The following NLGN4Y variants were observed in gnomAD, a reference collection of about 807,000 sequenced individuals.
NLGN4Y encodes neuroligin-4, Y-linked.
In NLGN4Y, 4 loss-of-function variants were observed where a neutral mutation model predicts 8.4. The observed-to-expected ratio is 0.48, with a 90% CI of 0.23 to 1.09. The LOEUF is 1.09. NLGN4Y is among the 50% of genes least tolerant of loss of function. The pLI, the probability that NLGN4Y is intolerant of heterozygous loss-of-function variation, is 0.19. For missense variants in NLGN4Y, 90 were observed against 192.3 expected, an observed-to-expected ratio of 0.47 and a Z score of 3.15; for synonymous variants, 35 against 75.6, an observed-to-expected ratio of 0.46 and a Z score of 2.78.
At chrY:14,809,607 A>G in intron 4 of NLGN4Y, among the ~76,000 whole-genome samples, 1 of 30,734 alleles carries the variant, frequency 3.3e-5, no homozygotes, top group Non-Finnish European at 7.9e-5. Flanking sequence ...GAGTGCAGTC[A>G]CATGATCTTT....
At chrY:14,584,152 T>C in intron 1 of NLGN4Y, among the ~76,000 whole-genome samples, 1 of 33,093 alleles carries the variant, frequency 3.0e-5, no homozygotes, top group Admixed American at 2.8e-4. Flanking sequence ...TTTTGAAACA[T>C]AGTTTCATTC....
chrY:14,814,427 A>G (rs9306839), intron 4 of NLGN4Y, among the ~76,000 whole-genome samples: 1,264 of 32,929 alleles, frequency 0.038, no homozygotes, highest in Non-Finnish European at 0.069. Flanking sequence ...TTGTAAGACC[A>G]TCTGTAGCTT....
At chrY:14,632,132 T>C (rs2080551146) in intron 2 of NLGN4Y, among the ~76,000 whole-genome samples, 1 of 34,009 alleles carries the variant, frequency 2.9e-5, no homozygotes, top group Non-Finnish European at 7.3e-5. Flanking sequence ...TGCATGTGCA[T>C]AGTGGGTCTG....
chrY:14,724,862 G>A (rs2080950133), intron 4 of NLGN4Y, among the ~76,000 whole-genome samples: 1 of 32,215 alleles, frequency 3.1e-5, no homozygotes, highest in Non-Finnish European at 7.5e-5. Context: ...GGCTGGTTTC[G>A]AATTCCTGAC....
chrY:14,633,878 C>G, intron 2 of NLGN4Y, among the ~76,000 whole-genome samples: 1 of 33,284 alleles, frequency 3.0e-5, no homozygotes, highest in Non-Finnish European at 7.4e-5. Flanking sequence ...AGTGGAAGCC[C>G]TTGTTGACAA....
chrY:14,759,626 T>G, intron 4 of NLGN4Y, among the ~76,000 whole-genome samples: 1 of 34,483 alleles, frequency 2.9e-5, no homozygotes, highest in Non-Finnish European at 7.3e-5. Context: ...ATTAACATTT[T>G]TCTCTGAAGC....
At chrY:14,667,127 GA>G (rs140211070) in intron 2 of NLGN4Y, among the ~76,000 whole-genome samples, 6 of 25,540 alleles carry the variant, frequency 2.3e-4, no homozygotes, top group Admixed American at 2.3e-3. Context: ...AAATAAATAA[GA>G]AAAAAAAAAC....
chrY:14,707,091 GTATATATATATATATA>G (rs1460684278), intron 2 of NLGN4Y, among the ~76,000 whole-genome samples: 5 of 3,889 alleles, frequency 1.3e-3, no homozygotes, highest in East Asian at 0.014. Context: ...AATTTTATGT[GTATATATATATATATA>G]TATATATATA....
intron 4 of NLGN4Y, among the ~76,000 whole-genome samples, chrY:14,757,498 G>GCAAT (rs2081065362): frequency 3.0e-5 from 1 of 33,000 alleles, no homozygotes; most frequent in African/African-American, 1.2e-4. Context: ...TGGTATCACT[G>GCAAT]ACTAATATCT....
chrY:14,788,409 C>T (rs956657492), intron 4 of NLGN4Y, among the ~76,000 whole-genome samples: 3 of 33,141 alleles, frequency 9.1e-5, no homozygotes, highest in Non-Finnish European at 1.5e-4. Flanking sequence ...ACATTCAGTT[C>T]CATCAGGTTG....
intron 4 of NLGN4Y, among the ~76,000 whole-genome samples, chrY:14,805,872 C>G: frequency 8.7e-5 from 3 of 34,481 alleles, no homozygotes; most frequent in Non-Finnish European, 2.2e-4. Flanking sequence ...TGGTGGCTCA[C>G]GCCTGTAATC....
chrY:14,569,525 T>G, intron 1 of NLGN4Y, among the ~76,000 whole-genome samples: 1 of 33,585 alleles, frequency 3.0e-5, no homozygotes, highest in Non-Finnish European at 7.4e-5. Flanking sequence ...CTGATAAGCA[T>G]CCAGGTTGAC....
chrY:14,523,414 T>C, upstream of NLGN4Y: 10 of 72,839 alleles, frequency 1.4e-4, no homozygotes, highest in Admixed American at 5.9e-4. Flanking sequence ...TATATATATA[T>C]ACACACAGAC....
intron 4 of NLGN4Y, among the ~76,000 whole-genome samples, chrY:14,771,073 C>T (rs2081106724): frequency 3.1e-5 from 1 of 32,370 alleles, no homozygotes; most frequent in Admixed American, 2.8e-4. Flanking sequence ...GCCAAACCTA[C>T]ATTTGCTTGG....
intron 2 of NLGN4Y, among the ~76,000 whole-genome samples, chrY:14,696,930 A>G: frequency 1.5e-4 from 5 of 32,850 alleles, no homozygotes; most frequent in African/African-American, 6.0e-4. Flanking sequence ...AAATAGGGTC[A>G]CATTCTGAGA....
chrY:14,564,762 C>T (rs758712641), intron 1 of NLGN4Y, among the ~76,000 whole-genome samples: 1 of 33,501 alleles, frequency 3.0e-5, no homozygotes, highest in East Asian at 8.1e-4. Context: ...CCAGTTGGGG[C>T]CAAGAGACAC....
intron 2 of NLGN4Y, among the ~76,000 whole-genome samples, chrY:14,642,989 C>T (rs2080595848): frequency 8.9e-5 from 3 of 33,533 alleles, no homozygotes; most frequent in African/African-American, 3.5e-4. Context: ...TTCTCAGAGA[C>T]GCTGTCTTTG....
intron 1 of NLGN4Y, among the ~76,000 whole-genome samples, chrY:14,612,626 G>T: frequency 3.0e-5 from 1 of 33,612 alleles, no homozygotes; most frequent in Non-Finnish European, 7.4e-5. Flanking sequence ...AGCAGAAGCT[G>T]CAGAACAGCA....
intron 4 of NLGN4Y, among the ~76,000 whole-genome samples, chrY:14,809,737 C>A (rs2043071251): frequency 3.1e-5 from 1 of 32,108 alleles, no homozygotes; most frequent in African/African-American, 1.2e-4. Flanking sequence ...TTCCTGTCTC[C>A]ATGCATGTAA....
Sources: allele counts gnomAD v4.1 joint callset (sites outside exome capture counted in the v4.1 genomes callset), GRCh38; gene constraint gnomAD v4.1.1; transcripts MANE v1.5; gene names NCBI Gene and HGNC (gene_info 2026-07-23, HGNC 2026-07-21).